SKAP1: variants seen among roughly 807,000 people sequenced by gnomAD.
The protein encoded by SKAP1 is src kinase-associated phosphoprotein 1.
In SKAP1, 44 loss-of-function variants were observed where a neutral mutation model predicts 58.5. The ratio of observed to expected loss-of-function variants is 0.75; its 90% confidence interval spans 0.59 to 0.97. The LOEUF is 0.97. SKAP1 is among the 50% of genes least tolerant of loss of function. SKAP1 has a pLI of 0.00. For missense variants in SKAP1, 390 were observed against 435.2 expected (o/e 0.90, Z 0.92); for synonymous variants, 127 against 149.7 (o/e 0.85, Z 1.11).
chr17:48,417,728 G>C (rs1441336286), intron 1 of SKAP1, among the ~76,000 whole-genome samples: 1 of 142,928 alleles, frequency 7.0e-6, no homozygotes, highest in Non-Finnish European at 1.5e-5. Flanking sequence ...CTGAGTGACA[G>C]AGCGAGACTT....
At chr17:48,168,350 A>T (rs768246911) in intron 10 of SKAP1, among the ~76,000 whole-genome samples, 2 of 152,190 alleles carry the variant, frequency 1.3e-5, no homozygotes, top group Non-Finnish European at 2.9e-5. Flanking sequence ...TTTTCTCCCC[A>T]AAAGCATGTT....
intron 4 of SKAP1, among the ~76,000 whole-genome samples, chr17:48,339,346 A>G (rs1311774798): frequency 6.6e-6 from 1 of 152,230 alleles, no homozygotes; most frequent in Non-Finnish European, 1.5e-5. Flanking sequence ...AGACTTATTT[A>G]TGGAAAGAGA....
At chr17:48,181,131 G>T (rs2064362396) in intron 8 of SKAP1, among the ~76,000 whole-genome samples, 1 of 152,118 alleles carries the variant, frequency 6.6e-6, no homozygotes, top group African/African-American at 2.4e-5. Context: ...CAATAAAATT[G>T]TTTGGCTTGA....
intron 1 of SKAP1, among the ~76,000 whole-genome samples, chr17:48,411,097 G>C (rs1331483625): frequency 6.6e-6 from 1 of 151,868 alleles, no homozygotes; most frequent in Non-Finnish European, 1.5e-5. Flanking sequence ...TCAATAAATG[G>C]TTGAATAGAT....
chr17:48,212,459 A>C (rs1173824315), intron 4 of SKAP1, among the ~76,000 whole-genome samples: 1 of 152,216 alleles, frequency 6.6e-6, no homozygotes, highest in Non-Finnish European at 1.5e-5. Flanking sequence ...ACAACATATA[A>C]GACCACTGGA....
At chr17:48,346,896 G>A (rs1042520471) in intron 3 of SKAP1, among the ~76,000 whole-genome samples, 1 of 152,124 alleles carries the variant, frequency 6.6e-6, no homozygotes, top group Non-Finnish European at 1.5e-5. Flanking sequence ...TTACAGCCTA[G>A]GCAACCGACC....
chr17:48,260,837 T>C (rs2065476835), intron 4 of SKAP1, among the ~76,000 whole-genome samples: 1 of 152,144 alleles, frequency 6.6e-6, no homozygotes, highest in African/African-American at 2.4e-5. Flanking sequence ...ACACACAGTT[T>C]AACAACAAAG....
At chr17:48,181,298 T>C (rs7213528) in intron 8 of SKAP1, among the ~76,000 whole-genome samples, 9 of 152,198 alleles carry the variant, frequency 5.9e-5, no homozygotes, top group Non-Finnish European at 1.3e-4. Context: ...TGTGGGATTC[T>C]GAAAGTACCA....
chr17:48,314,136 CA>C (rs2144191282), intron 4 of SKAP1, among the ~76,000 whole-genome samples: 1 of 152,166 alleles, frequency 6.6e-6, no homozygotes, highest in African/African-American at 2.4e-5. Context: ...AGATGAATTG[CA>C]AAAAGTTAAA....
At chr17:48,293,614 T>C (rs983231581) in intron 4 of SKAP1, among the ~76,000 whole-genome samples, 1 of 152,218 alleles carries the variant, frequency 6.6e-6, no homozygotes, top group Non-Finnish European at 1.5e-5. Context: ...CACTGTGGAA[T>C]TGGTGTACAA....
chr17:48,268,037 G>A (rs1425234592), intron 4 of SKAP1, among the ~76,000 whole-genome samples: 1 of 152,086 alleles, frequency 6.6e-6, no homozygotes, highest in Non-Finnish European at 1.5e-5. Context: ...CCAGTGTAAG[G>A]TTTGGAATGC....
chr17:48,313,584 C>CA (rs551867620), intron 4 of SKAP1, among the ~76,000 whole-genome samples: 285 of 152,058 alleles, frequency 1.9e-3, no homozygotes, highest in Non-Finnish European at 3.4e-3. Flanking sequence ...CATTTTTAAA[C>CA]AAAAAAACTA....
At chr17:48,419,144 A>C (rs2067765673) in intron 1 of SKAP1, among the ~76,000 whole-genome samples, 3 of 152,156 alleles carry the variant, frequency 2.0e-5, no homozygotes, top group East Asian at 3.8e-4. Context: ...GGAGAAAGAA[A>C]CATTAGGCTG....
At chr17:48,184,598 C>G in intron 7 of SKAP1, 125 bp downstream of exon 7, 2 of 1,207,976 alleles carry the variant, frequency 1.7e-6, no homozygotes, top group Non-Finnish European at 2.4e-6. Flanking sequence ...ATAGGGTCTT[C>G]GTTGGCATGA....
chr17:48,222,230 A>G (rs1223029862), intron 4 of SKAP1, among the ~76,000 whole-genome samples: 8 of 152,234 alleles, frequency 5.3e-5, no homozygotes, highest in Admixed American at 4.6e-4. Context: ...CTAGGCAAAT[A>G]TGACAAAAAG....
At chr17:48,367,520 G>A (rs947547545) in intron 2 of SKAP1, among the ~76,000 whole-genome samples, 3 of 75,112 alleles carry the variant, frequency 4.0e-5, no homozygotes, top group Admixed American at 2.8e-4. Context: ...ATATGTGTGT[G>A]TATATGTATG....
At chr17:48,413,523 A>AATATATATATATATATAT (rs1555624885) in intron 1 of SKAP1, among the ~76,000 whole-genome samples, 7 of 105,424 alleles carry the variant, frequency 6.6e-5, no homozygotes, top group South Asian at 2.6e-4. Context: ...TCAAAAAAAA[A>AATATATATATATATATAT]ATATATATAT....
chr17:48,332,238 C>G (rs1024241542), intron 4 of SKAP1, among the ~76,000 whole-genome samples: 2 of 151,978 alleles, frequency 1.3e-5, no homozygotes, highest in Non-Finnish European at 2.9e-5. Flanking sequence ...ATTAACTTCT[C>G]TGTATGCAGG....
chr17:48,339,698 G>A (rs9303543), intron 4 of SKAP1, among the ~76,000 whole-genome samples: 26,203 of 152,026 alleles, frequency 0.17, 2,310 homozygotes, highest in Non-Finnish European at 0.19. Context: ...GATTTATCCT[G>A]ATCAGTGAGG....
Sources: gnomAD v4.1 joint callset for allele counts (sites outside exome capture counted in the v4.1 genomes callset) on GRCh38, gnomAD v4.1.1 for gene constraint, MANE v1.5 for transcripts, NCBI Gene and HGNC (gene_info 2026-07-23, HGNC 2026-07-21) for gene names.